Variants in ANKS1B observed in about 807,000 individuals in gnomAD.
The protein encoded by ANKS1B is ankyrin repeat and sterile alpha motif domain-containing protein 1B.
In ANKS1B, 36 loss-of-function variants were observed where a neutral mutation model predicts 148.3. The observed-to-expected ratio is 0.24, with a 90% CI of 0.19 to 0.32. ANKS1B has a LOEUF of 0.32. Among genes scored for constraint, ANKS1B ranks in the 10% least tolerant of loss-of-function variants. ANKS1B has a pLI of 1.00. For synonymous variants in ANKS1B, 542 were observed against 560.8 expected (o/e 0.97, Z 0.47); for missense variants, 1,157 against 1,542.6 (o/e 0.75, Z 4.19).
intron 1 of ANKS1B, among the ~76,000 whole-genome samples, chr12:99,879,343 T>G (rs2092338897): frequency 6.6e-6 from 1 of 152,218 alleles, no homozygotes; most frequent in Non-Finnish European, 1.5e-5. Context: ...CCCTCACTCC[T>G]ATCCTCCCTA....
rs571159412 is a variant in ANKS1B, at chr12:99,051,600, A to G, written c.2778+1557T>C. Among the ~76,000 whole-genome samples the G allele has an allele frequency of 2.6e-5, 4 of 152,344 alleles. No individual in the cohort carries two copies. In the South Asian group the frequency reaches 8.3e-4, roughly 32 times the overall value. ...CTTAGCCTGCTGCGACCAAAAAGCA[A>G]TACTGTTTCAGTTAGTTCCGTTGCC... is the stretch of plus-strand genomic sequence containing the variant. On this transcript the variant is annotated intron_variant, in intron 17 of 26. Transcript: ENST00000683438.
At chr12:99,060,848 TA>T (rs981330287) in intron 16 of ANKS1B, among the ~76,000 whole-genome samples, 7 of 151,130 alleles carry the variant, frequency 4.6e-5, no homozygotes, top group Non-Finnish European at 7.4e-5. Flanking sequence ...TAAAAACAGG[TA>T]AAAAAAATAA....
intron 1 of ANKS1B, among the ~76,000 whole-genome samples, chr12:99,889,198 T>C (rs1389584374): frequency 6.6e-6 from 1 of 152,176 alleles, no homozygotes; most frequent in East Asian, 1.9e-4. Flanking sequence ...TTATATAATA[T>C]AGCTCTTTGT....
intron 1 of ANKS1B, among the ~76,000 whole-genome samples, chr12:99,894,281 A>G (rs1292169914): frequency 1.5e-5 from 1 of 64,880 alleles, no homozygotes; most frequent in Non-Finnish European, 3.5e-5. Context: ...GAAAGGAAGG[A>G]AGGAAGGAAG....
chr12:99,391,534 A>C (rs1218619576), intron 12 of ANKS1B, among the ~76,000 whole-genome samples: 3 of 152,152 alleles, frequency 2.0e-5, no homozygotes, highest in Non-Finnish European at 4.4e-5. Context: ...TTGGCATGAG[A>C]TCAGTCACCC....
chr12:98,812,493 A>G (rs1261873105), intron 19 of ANKS1B, among the ~76,000 whole-genome samples: 1 of 152,258 alleles, frequency 6.6e-6, no homozygotes, highest in Non-Finnish European at 1.5e-5. Flanking sequence ...GTTATGCGTA[A>G]CTGTCATCGT....
chr12:99,310,680 C>G (rs1457861823), intron 12 of ANKS1B, among the ~76,000 whole-genome samples: 1 of 152,156 alleles, frequency 6.6e-6, no homozygotes, highest in Non-Finnish European at 1.5e-5. Context: ...AAACCATCAG[C>G]TAGCTATCCT....
chr12:99,350,522 G>C (rs1357317739), intron 12 of ANKS1B, among the ~76,000 whole-genome samples: 1 of 151,962 alleles, frequency 6.6e-6, no homozygotes, highest in Non-Finnish European at 1.5e-5. Context: ...AGGCAGGAGG[G>C]TATAAGATAA....
intron 12 of ANKS1B, among the ~76,000 whole-genome samples, chr12:99,260,492 A>G (rs1022052773): frequency 6.6e-6 from 1 of 152,232 alleles, no homozygotes; most frequent in Non-Finnish European, 1.5e-5. Flanking sequence ...TCAAAAGAGC[A>G]GGAGAGTTAT....
At chr12:99,313,612 C>G (rs1034611741) in intron 12 of ANKS1B, among the ~76,000 whole-genome samples, 1 of 152,176 alleles carries the variant, frequency 6.6e-6, no homozygotes, top group Non-Finnish European at 1.5e-5. Flanking sequence ...GTTGGTTCAA[C>G]ATACGCAAAT....
chr12:98,835,097 AATTATTATTATTATTATT>A (rs72558205), intron 17 of ANKS1B, among the ~76,000 whole-genome samples: 1 of 148,910 alleles, frequency 6.7e-6, no homozygotes, highest in Non-Finnish European at 1.5e-5. Flanking sequence ...ACATTTGCTT[AATTATTATTATTATTATT>A]ATTATTATTA....
At chr12:99,845,583 G>T (rs1173052192) in intron 1 of ANKS1B, among the ~76,000 whole-genome samples, 1 of 152,158 alleles carries the variant, frequency 6.6e-6, no homozygotes, top group Non-Finnish European at 1.5e-5. Flanking sequence ...AGTTGATCGT[G>T]GTAGATAAGC....
intron 1 of ANKS1B, among the ~76,000 whole-genome samples, chr12:99,863,305 A>T (rs957120627): frequency 5.3e-5 from 8 of 152,202 alleles, no homozygotes; most frequent in African/African-American, 1.9e-4. Context: ...CCTGAAAAAA[A>T]GAAAAAAACT....
At chr12:99,084,297 T>C (rs2050853983) in intron 16 of ANKS1B, among the ~76,000 whole-genome samples, 1 of 152,190 alleles carries the variant, frequency 6.6e-6, no homozygotes, top group Non-Finnish European at 1.5e-5. Context: ...TCTAGTCTTC[T>C]TGAACCTGAG....
intron 9 of ANKS1B, among the ~76,000 whole-genome samples, chr12:99,552,653 T>C (rs1354904114): frequency 6.6e-6 from 1 of 152,176 alleles, no homozygotes; most frequent in Non-Finnish European, 1.5e-5. Context: ...TCAAAAATCA[T>C]AGATATAAAC....
intron 17 of ANKS1B, among the ~76,000 whole-genome samples, chr12:98,965,099 C>CA (rs1261299376): frequency 1.3e-5 from 2 of 150,580 alleles, no homozygotes; most frequent in Admixed American, 1.3e-4. Context: ...TACATACCTA[C>CA]AAAAATAAAA....
intron 17 of ANKS1B, among the ~76,000 whole-genome samples, chr12:98,904,127 T>A (rs866519839): frequency 6.6e-6 from 1 of 152,080 alleles, no homozygotes; most frequent in Admixed American, 6.5e-5. Context: ...AAAATTATTT[T>A]AGAAGCTGCT....
chr12:99,893,165 C>T (rs960706290), intron 1 of ANKS1B, among the ~76,000 whole-genome samples: 6 of 152,098 alleles, frequency 3.9e-5, no homozygotes, highest in Non-Finnish European at 8.8e-5. Flanking sequence ...AATCCTAGCA[C>T]TTTGGGAGGC....
intron 12 of ANKS1B, among the ~76,000 whole-genome samples, chr12:99,308,660 T>C (rs1016021076): frequency 6.6e-6 from 1 of 151,908 alleles, no homozygotes; most frequent in Admixed American, 6.6e-5. Flanking sequence ...AAAAAAACTT[T>C]GTTGAAATAT....
Sources: allele counts gnomAD v4.1 joint callset (sites outside exome capture counted in the v4.1 genomes callset), GRCh38; gene constraint gnomAD v4.1.1; transcripts MANE v1.5; gene names NCBI Gene and HGNC (gene_info 2026-07-23, HGNC 2026-07-21).